Variants in SDAD1 observed in about 807,000 individuals in gnomAD.
The protein encoded by SDAD1 is protein SDA1 homolog.
In SDAD1, 79 loss-of-function variants were observed where a neutral mutation model predicts 100.3. That is an observed-to-expected ratio of 0.79 (90% CI 0.66 to 0.95). The LOEUF (loss-of-function observed/expected upper bound fraction) is 0.95, where lower values mean the gene tolerates loss of function less well. Ranked by LOEUF, SDAD1 falls within the 40% of genes least tolerant of loss-of-function variation. The probability of loss-of-function intolerance (pLI) is 0.00; values close to 1 mark genes in which losing one functional copy is unlikely to be tolerated. For missense variants in SDAD1, 790 were observed against 810.9 expected, an observed-to-expected ratio of 0.97 and a Z score of 0.31; for synonymous variants, 267 against 271.4, an observed-to-expected ratio of 0.98 and a Z score of 0.16.
chr4:75,989,423 A>G (rs1319230227), intron 1 of SDAD1, among the ~76,000 whole-genome samples: 1 of 152,230 alleles, frequency 6.6e-6, no homozygotes, highest in African/African-American at 2.4e-5. Flanking sequence ...ATGTAAGTCC[A>G]AGAGAAGAAT....
intron 21 of SDAD1, among the ~76,000 whole-genome samples, chr4:75,954,250 C>T (rs1045228207): frequency 4.6e-5 from 7 of 151,942 alleles, no homozygotes; most frequent in Non-Finnish European, 8.8e-5. Flanking sequence ...GGCGTGGTGG[C>T]GGGCACCTGT....
intron 1 of SDAD1, 84 bp downstream of exon 1, chr4:75,990,668 C>T: frequency 1.2e-6 from 2 of 1,605,992 alleles, no homozygotes; most frequent in Non-Finnish European, 1.7e-6. Context: ...GAGCCTGGAT[C>T]CCAGCCCCAC....
rs1368114792 is a variant in SDAD1, at chr4:75,956,026, C to A, written c.1965G>T (p.Arg655=). 1.9e-6 allele frequency: 3 copies of A among 1,611,848 alleles called. No individual in the cohort carries two copies. The highest frequency in any genetic ancestry group is 2.5e-6 in the Non-Finnish European group (3 of 1,179,550). ...KKKQKNFMMM[R]YSQNVRSKNK... ...TTTTTGACCGGACATTCTGGCTATA[C>A]CGCATCATCATAAAGTTCTTCTGTT... Residue 655 remains arginine (R), a synonymous_variant, in exon 21 of 22, where the codon CGG becomes CGT. Coordinates refer to ENST00000356260, the MANE Select transcript of SDAD1 (RefSeq NM_018115.4).
At chr4:75,968,724 C>CA in intron 11 of SDAD1, among the ~76,000 whole-genome samples, 1 of 151,992 alleles carries the variant, frequency 6.6e-6, no homozygotes, top group South Asian at 2.1e-4. Flanking sequence ...ACAAAGTGAA[C>CA]AAAAAGAAAG....
intron 20 of SDAD1, 117 bp from the exon 21 acceptor site, chr4:75,956,253 G>A: frequency 2.9e-6 from 3 of 1,028,634 alleles, no homozygotes; most frequent in South Asian, 1.7e-5. Flanking sequence ...GGCACAGAAT[G>A]GACAGGACAC....
intron 13 of SDAD1, among the ~76,000 whole-genome samples, chr4:75,964,705 C>G (rs1729441644): frequency 6.6e-6 from 1 of 152,124 alleles, no homozygotes. Context: ...CAGCTGAAGC[C>G]ATGGCAGAAG....
intron 7 of SDAD1, 125 bp from the exon 8 acceptor site, chr4:75,973,516 G>A: frequency 3.0e-6 from 2 of 656,174 alleles, no homozygotes; most frequent in Non-Finnish European, 5.2e-6. Flanking sequence ...AGAGTGGTGG[G>A]ATTTTTGTTC....
Position 75,990,924 on chromosome 4 carries a change from T to C in SDAD1, c.-83A>G, listed in dbSNP as rs998203639. On this transcript the variant is annotated 5_prime_UTR_variant, in exon 1 of 22. Transcript: ENST00000356260. The stretch of plus-strand genomic sequence containing the variant: ...CCCCGCAATCCCTGCCAGCTGCAGC[T>C]TGGACTCGTGTTTCCGGGTATGACC... 6.5e-7 allele frequency: 1 copy of C among 1,545,036 alleles called. No individual in the cohort carries two copies. The highest frequency in any genetic ancestry group is 1.4e-5 in the African/African-American group (1 of 73,658).
chr4:75,957,500 G>A lies in SDAD1; in HGVS notation c.1769+18C>T. ...CACATGAGCTGACTGAAGTACTAAA[G>A]TGGATGTGCCATTTTACCTGGGCTC... On this transcript the variant is annotated intron_variant, in intron 19 of 21. Transcript: ENST00000356260. 1 of 1,612,974 alleles carries A rather than the reference G, an allele frequency of 6.2e-7. No homozygotes were observed. Among genetic ancestry groups the A allele is most frequent in the Non-Finnish European group, 8.5e-7 (1 of 1,179,026 alleles).
chr4:75,969,516 A>T, intron 10 of SDAD1, 117 bp from the exon 11 acceptor site: 1 of 621,986 alleles, frequency 1.6e-6, no homozygotes. Flanking sequence ...AAACAGGTGA[A>T]TATGTCAATA....
intron 16 of SDAD1, among the ~76,000 whole-genome samples, chr4:75,960,812 G>A (rs1461652222): frequency 6.6e-6 from 1 of 152,176 alleles, no homozygotes; most frequent in African/African-American, 2.4e-5. Flanking sequence ...CAGCCTGATA[G>A]GTCTTCAAGA....
At chr4:75,986,957 G>A (rs1371191816) in intron 1 of SDAD1, among the ~76,000 whole-genome samples, 2 of 152,010 alleles carry the variant, frequency 1.3e-5, no homozygotes, top group Non-Finnish European at 1.5e-5. Context: ...GGTTGAGGCT[G>A]CAGTGAGCCG....
rs1730140014 is a variant in SDAD1 at position 75,976,001 on chromosome 4, G to A, written c.406-6C>T. 1.3e-6 allele frequency: 2 copies of A among 1,567,692 alleles called. No individual in the cohort carries two copies. The highest frequency in any genetic ancestry group is 1.1e-5 in the South Asian group (1 of 89,090). ...ACAATATGTGTGTATAAAGTCTGAG[G>A]AAAAGAAACAAAAATATATACATTA... On this transcript the variant is annotated splice_region_variant and splice_polypyrimidine_tract_variant and intron_variant, in intron 4 of 21. Transcript: ENST00000356260.
intron 21 of SDAD1, among the ~76,000 whole-genome samples, chr4:75,951,699 G>A (rs1458702860): frequency 2.6e-5 from 4 of 152,036 alleles, no homozygotes; most frequent in East Asian, 1.9e-4. Flanking sequence ...AGTGTCTGAC[G>A]CAAACCTACA....
intron 3 of SDAD1, among the ~76,000 whole-genome samples, chr4:75,979,113 A>T (rs145587227): frequency 6.6e-6 from 1 of 152,112 alleles, no homozygotes; most frequent in Non-Finnish European, 1.5e-5. Flanking sequence ...AAAGTTTTAA[A>T]GTACATAAAA....
At chr4:75,966,069 A>G (rs1360190705) in intron 12 of SDAD1, among the ~76,000 whole-genome samples, 1 of 151,890 alleles carries the variant, frequency 6.6e-6, no homozygotes, top group African/African-American at 2.4e-5. Flanking sequence ...GACACTCCCT[A>G]TTGTCCTTAT....
chr4:75,981,244 G>A (rs1311919998), intron 3 of SDAD1, 128 bp downstream of exon 3: 1 of 833,262 alleles, frequency 1.2e-6, no homozygotes, highest in Middle Eastern at 2.4e-4. Context: ...GGATTTTTAG[G>A]AAAGGATAAT....
At chr4:75,960,618 T>C (rs150488879) in intron 16 of SDAD1, among the ~76,000 whole-genome samples, 28 of 152,352 alleles carry the variant, frequency 1.8e-4, no homozygotes, top group African/African-American at 6.5e-4. Context: ...GTAACTGCTC[T>C]AATTTTTTAA....
At chr4:75,952,084 G>A (rs910780331) in intron 21 of SDAD1, among the ~76,000 whole-genome samples, 5 of 152,152 alleles carry the variant, frequency 3.3e-5, no homozygotes, top group Admixed American at 6.6e-5. Context: ...GAAGAGCTGG[G>A]ATACTTAAGG....
Sources: gnomAD v4.1 joint callset for allele counts (sites outside exome capture counted in the v4.1 genomes callset) on GRCh38, gnomAD v4.1.1 for gene constraint, MANE v1.5 for transcripts, NCBI Gene and HGNC (gene_info 2026-07-23, HGNC 2026-07-21) for gene names.